The following DLG2 variants were observed in gnomAD, a reference collection of about 807,000 sequenced individuals.
DLG2 encodes discs large MAGUK scaffold protein 2.
DLG2 carries 45 observed loss-of-function variants against 132.5 expected under a neutral mutation model. The ratio of observed to expected loss-of-function variants is 0.34; its 90% confidence interval spans 0.27 to 0.44. The LOEUF (loss-of-function observed/expected upper bound fraction) is 0.44. DLG2 is among the 20% of genes least tolerant of loss of function. The pLI is 1.00. For missense variants in DLG2, 1,045 were observed against 1,196.9 expected (o/e 0.87, Z 1.87); for synonymous variants, 424 against 419.6 (o/e 1.01, Z -0.13).
chr11:85,428,398 G>T (rs1397045154), intron 3 of DLG2, among the ~76,000 whole-genome samples: 1 of 152,160 alleles, frequency 6.6e-6, no homozygotes, highest in Non-Finnish European at 1.5e-5. Context: ...CTCAGCAAAT[G>T]TAAAAGAACA....
intron 6 of DLG2, among the ~76,000 whole-genome samples, chr11:84,703,169 A>T (rs941310379): frequency 1.3e-5 from 2 of 151,682 alleles, no homozygotes; most frequent in Non-Finnish European, 3.0e-5. Context: ...TCATTATGCA[A>T]GATGAATGAA....
At chr11:84,932,464 T>C (rs988537806) in intron 6 of DLG2, among the ~76,000 whole-genome samples, 1 of 152,144 alleles carries the variant, frequency 6.6e-6, no homozygotes, top group Non-Finnish European at 1.5e-5. Context: ...ACATGTACCA[T>C]GGTGGTTTTT....
chr11:84,192,135 A>G lies in DLG2; in HGVS notation c.574-28624T>C, dbSNP rs569119820. 5.3e-5 allele frequency among the ~76,000 whole-genome samples: 8 copies of G among 152,300 alleles called. No individual in the cohort carries two copies. The South Asian group carries it at 8.3e-4, about 16-fold the overall frequency. ...GAAAACTAATGTGATACAGAAGATA[A>G]GGAAAAGAGGACAAATATTCTCCAC... is the stretch of plus-strand genomic sequence containing the variant. On this transcript the variant is annotated intron_variant, in intron 8 of 27. Transcript: ENST00000376104.
At chr11:85,180,290 T>C (rs904475426) in intron 4 of DLG2, among the ~76,000 whole-genome samples, 8 of 151,852 alleles carry the variant, frequency 5.3e-5, no homozygotes, top group Non-Finnish European at 1.0e-4. Context: ...TGACATTTAT[T>C]CTGTTCTTTA....
chr11:83,970,040 AAC>A (rs1202234251), intron 12 of DLG2, among the ~76,000 whole-genome samples: 2 of 152,180 alleles, frequency 1.3e-5, no homozygotes, highest in African/African-American at 4.8e-5. Flanking sequence ...CTGGTGGCAT[AAC>A]ACAGGGGGAA....
chr11:84,688,271 T>C (rs180870545), intron 6 of DLG2, among the ~76,000 whole-genome samples: 3 of 152,312 alleles, frequency 2.0e-5, no homozygotes, highest in African/African-American at 7.2e-5. Context: ...AACTTCACCA[T>C]ACAGCAGTGT....
At chr11:83,695,145 AAGTTG>A (rs1212466212) in intron 18 of DLG2, among the ~76,000 whole-genome samples, 3 of 152,214 alleles carry the variant, frequency 2.0e-5, no homozygotes, top group Non-Finnish European at 1.5e-5. Flanking sequence ...AGAAAACCAT[AAGTTG>A]AGTTAATTCA....
chr11:84,858,686 A>C (rs2083129580), intron 6 of DLG2, among the ~76,000 whole-genome samples: 1 of 152,118 alleles, frequency 6.6e-6, no homozygotes, highest in African/African-American at 2.4e-5. Context: ...CAATTACTTG[A>C]GACAAGTACT....
chr11:84,764,018 A>G (rs553794436), intron 6 of DLG2, among the ~76,000 whole-genome samples: 1 of 152,262 alleles, frequency 6.6e-6, no homozygotes, highest in East Asian at 1.9e-4. Flanking sequence ...GCTTACAATT[A>G]GTACAGAGTC....
At chr11:85,105,796 C>T (rs551406634) in intron 6 of DLG2, among the ~76,000 whole-genome samples, 269 of 151,910 alleles carry the variant, frequency 1.8e-3, no homozygotes, top group Non-Finnish European at 2.9e-3. Flanking sequence ...GTCTAATTTC[C>T]CAGCAGCAGA....
intron 7 of DLG2, among the ~76,000 whole-genome samples, chr11:84,341,807 T>C (rs538662604): frequency 6.6e-6 from 1 of 152,368 alleles, no homozygotes; most frequent in African/African-American, 2.4e-5. Context: ...AGAATTTCTG[T>C]ACCCCTTTTT....
At chr11:83,519,969 A>G (rs183240533) in intron 21 of DLG2, among the ~76,000 whole-genome samples, 4 of 152,290 alleles carry the variant, frequency 2.6e-5, no homozygotes, top group Admixed American at 1.3e-4. Context: ...TGTCATTCAC[A>G]TTTACCTCAT....
intron 3 of DLG2, among the ~76,000 whole-genome samples, chr11:85,386,318 G>A (rs1406826564): frequency 1.3e-5 from 2 of 152,040 alleles, no homozygotes; most frequent in Admixed American, 6.6e-5. Flanking sequence ...CTTTAAAGAC[G>A]AGAAAACTGA....
chr11:84,638,004 A>G (rs886729834), intron 6 of DLG2, among the ~76,000 whole-genome samples: 11 of 152,134 alleles, frequency 7.2e-5, no homozygotes, highest in African/African-American at 2.7e-4. Context: ...TGGTTTCTCT[A>G]CCTTATGTTT....
intron 7 of DLG2, among the ~76,000 whole-genome samples, chr11:84,435,087 ATCT>A (rs1481425198): frequency 6.6e-6 from 1 of 152,080 alleles, no homozygotes; most frequent in African/African-American, 2.4e-5. Context: ...TATTTTATAC[ATCT>A]TCTTCCATCT....
intron 3 of DLG2, among the ~76,000 whole-genome samples, chr11:85,381,137 TG>T (rs1252966889): frequency 6.6e-6 from 1 of 152,228 alleles, no homozygotes; most frequent in Non-Finnish European, 1.5e-5. Flanking sequence ...TGTAGTCTAA[TG>T]AAGAGAGCAC....
chr11:85,361,218 C>T (rs984964334), intron 3 of DLG2, among the ~76,000 whole-genome samples: 19 of 152,042 alleles, frequency 1.2e-4, no homozygotes, highest in Admixed American at 1.1e-3. Flanking sequence ...TGCAGTGGCA[C>T]GATCTTGGCT....
At chr11:84,903,270 T>C (rs906872181) in intron 6 of DLG2, among the ~76,000 whole-genome samples, 7 of 152,212 alleles carry the variant, frequency 4.6e-5, no homozygotes, top group Admixed American at 1.3e-4. Context: ...CTGAACACAG[T>C]AGACATATAT....
intron 2 of DLG2, among the ~76,000 whole-genome samples, chr11:85,612,500 A>G (rs2081076005): frequency 6.6e-6 from 1 of 152,236 alleles, no homozygotes; most frequent in Non-Finnish European, 1.5e-5. Flanking sequence ...GCACTCAGCC[A>G]AACTTTAAAG....
Sources: gnomAD v4.1 joint callset for allele counts (sites outside exome capture counted in the v4.1 genomes callset) on GRCh38, gnomAD v4.1.1 for gene constraint, MANE v1.5 for transcripts, NCBI Gene and HGNC (gene_info 2026-07-23, HGNC 2026-07-21) for gene names.